The following PLCL1 variants were observed in gnomAD, a reference collection of about 807,000 sequenced individuals.
PLCL1 encodes phospholipase C like 1 (inactive), also known as inactive phospholipase C-like protein 1.
In PLCL1, 41 loss-of-function variants were observed where a neutral mutation model predicts 84.4. The ratio of observed to expected loss-of-function variants is 0.49; its 90% confidence interval spans 0.38 to 0.63. The LOEUF (loss-of-function observed/expected upper bound fraction) is 0.63. PLCL1 is among the 30% of genes least tolerant of loss of function. The probability of loss-of-function intolerance (pLI) is 0.00; values close to 1 mark genes in which losing one functional copy is unlikely to be tolerated. For missense variants in PLCL1, 1,206 were observed against 1,367.8 expected (o/e 0.88, Z 1.87); for synonymous variants, 490 against 488.3 (o/e 1.00, Z -0.05).
chr2:198,035,548 A>G (rs893806116), intron 1 of PLCL1, among the ~76,000 whole-genome samples: 1 of 152,214 alleles, frequency 6.6e-6, no homozygotes, highest in African/African-American at 2.4e-5. Context: ...TGATGGGGAC[A>G]TGTCAAAAGG....
intron 1 of PLCL1, among the ~76,000 whole-genome samples, chr2:197,999,247 A>G (rs1233663573): frequency 6.6e-6 from 1 of 152,182 alleles, no homozygotes; most frequent in Admixed American, 6.5e-5. Flanking sequence ...AGCTGGCACC[A>G]TCTCACTTTC....
At chr2:197,953,033 T>A (rs1177138501) in intron 1 of PLCL1, among the ~76,000 whole-genome samples, 1 of 152,126 alleles carries the variant, frequency 6.6e-6, no homozygotes, top group Non-Finnish European at 1.5e-5. Flanking sequence ...TGTAGAGAGC[T>A]GCCCTGTGCC....
intron 1 of PLCL1, among the ~76,000 whole-genome samples, chr2:197,807,896 G>A (rs1690514461): frequency 6.6e-6 from 1 of 152,098 alleles, no homozygotes; most frequent in South Asian, 2.1e-4. Context: ...GTGCTATCCT[G>A]ACAGAAAACA....
intron 1 of PLCL1, among the ~76,000 whole-genome samples, chr2:198,010,830 C>T (rs774012596): frequency 6.6e-6 from 1 of 151,552 alleles, no homozygotes; most frequent in Non-Finnish European, 1.5e-5. Flanking sequence ...GCTTCAATCT[C>T]CTCACTAGTT....
At chr2:197,875,272 G>A (rs189096225) in intron 1 of PLCL1, among the ~76,000 whole-genome samples, 3 of 151,924 alleles carry the variant, frequency 2.0e-5, no homozygotes, top group African/African-American at 7.2e-5. Flanking sequence ...GGTGACAGAG[G>A]GACACTCCAT....
At chr2:197,903,468 A>ATTTTTTTTTTTTTTTTTTTTTTTTTTT (rs3056105) in intron 1 of PLCL1, among the ~76,000 whole-genome samples, 1 of 47,794 alleles carries the variant, frequency 2.1e-5, no homozygotes, top group African/African-American at 9.0e-5. Context: ...CTCCATTTAA[A>ATTTTTTTTTTTTTTTTTTTTTTTTTTT]TTTTTTTTTT....
chr2:197,918,893 A>T lies in PLCL1; in HGVS notation c.240+113554A>T, dbSNP rs113190604. Among the ~76,000 whole-genome samples, 1,077 of 150,120 alleles carry T rather than the reference A, an allele frequency of 7.2e-3. 18 individuals are homozygous for T. Among genetic ancestry groups the T allele is most frequent in the African/African-American group, 0.025 (1,011 of 40,922 alleles). On this transcript the variant is annotated intron_variant, in intron 1 of 5. Transcript: ENST00000428675. ...GAGGTTGAGGCTGCAGTGAGCTGTG[A>T]TTGCACCATTGCACTCCAGCCTGGG... is the stretch of plus-strand genomic sequence containing the variant.
intron 1 of PLCL1, among the ~76,000 whole-genome samples, chr2:198,043,881 C>CTTTATTTTT (rs768678501): frequency 2.0e-3 from 247 of 124,844 alleles, no homozygotes; most frequent in African/African-American, 7.2e-3. Flanking sequence ...AATTCTTGTT[C>CTTTATTTTT]TTTTTTTTTT....
chr2:198,079,334 A>G (rs1331984585), intron 1 of PLCL1, among the ~76,000 whole-genome samples: 3 of 151,830 alleles, frequency 2.0e-5, no homozygotes, highest in Admixed American at 2.0e-4. Flanking sequence ...TGCTGTTGTG[A>G]CGAGTCTCAT....
intron 1 of PLCL1, among the ~76,000 whole-genome samples, chr2:197,859,200 T>C (rs1687384501): frequency 6.6e-6 from 1 of 152,142 alleles, no homozygotes; most frequent in South Asian, 2.1e-4. Flanking sequence ...TAGGAGATCC[T>C]GAAATATGTT....
intron 1 of PLCL1, among the ~76,000 whole-genome samples, chr2:197,894,856 T>A (rs1688102409): frequency 6.6e-6 from 1 of 151,934 alleles, no homozygotes; most frequent in South Asian, 2.1e-4. Context: ...TGGTCCCTCC[T>A]TTTCCAAGTG....
intron 1 of PLCL1, among the ~76,000 whole-genome samples, chr2:197,954,596 G>A (rs1326942580): frequency 6.6e-6 from 1 of 152,022 alleles, no homozygotes; most frequent in Non-Finnish European, 1.5e-5. Context: ...TAATGCGTGT[G>A]CACTTGAGAA....
chr2:197,921,145 T>C (rs1258150445), intron 1 of PLCL1, among the ~76,000 whole-genome samples: 1 of 152,230 alleles, frequency 6.6e-6, no homozygotes, highest in African/African-American at 2.4e-5. Flanking sequence ...ACAATGGTAT[T>C]TGTGCATCTA....
intron 1 of PLCL1, among the ~76,000 whole-genome samples, chr2:197,819,569 T>C (rs1690764559): frequency 6.6e-6 from 1 of 152,118 alleles, no homozygotes; most frequent in Non-Finnish European, 1.5e-5. Flanking sequence ...GAGGGCTGAA[T>C]GGGAGCTTAG....
chr2:197,892,367 G>A (rs563430331), intron 1 of PLCL1, among the ~76,000 whole-genome samples: 1 of 152,248 alleles, frequency 6.6e-6, no homozygotes, highest in Admixed American at 6.5e-5. Flanking sequence ...TAAACTGAGT[G>A]TCTGATCCTA....
intron 1 of PLCL1, among the ~76,000 whole-genome samples, chr2:197,924,127 G>A (rs1160496927): frequency 7.2e-6 from 1 of 139,376 alleles, no homozygotes; most frequent in African/African-American, 2.7e-5. Flanking sequence ...CGCATGAGAG[G>A]GAGACCGTGG....
At chr2:198,018,319 T>C (rs1463929372) in intron 1 of PLCL1, among the ~76,000 whole-genome samples, 1 of 152,094 alleles carries the variant, frequency 6.6e-6, no homozygotes, top group East Asian at 1.9e-4. Flanking sequence ...TGGGCAGACA[T>C]CGAACTAGCT....
chr2:198,044,179 G>A (rs867284978), intron 1 of PLCL1, among the ~76,000 whole-genome samples: 17 of 152,032 alleles, frequency 1.1e-4, no homozygotes, highest in Admixed American at 2.0e-4. Flanking sequence ...TCTTAAATAC[G>A]AAATAAAAAG....
At chr2:198,139,292 T>G (rs1475273010) in intron 5 of PLCL1, among the ~76,000 whole-genome samples, 1 of 152,226 alleles carries the variant, frequency 6.6e-6, no homozygotes, top group African/African-American at 2.4e-5. Context: ...CGACCTTAAT[T>G]GAGGTTGTTT....
Sources: gnomAD v4.1 joint callset for allele counts (sites outside exome capture counted in the v4.1 genomes callset) on GRCh38, gnomAD v4.1.1 for gene constraint, MANE v1.5 for transcripts, NCBI Gene and HGNC (gene_info 2026-07-23, HGNC 2026-07-21) for gene names.